The following GAB2 variants were observed in gnomAD, a reference collection of about 807,000 sequenced individuals.
GAB2 encodes the protein GRB2 associated binding protein 2.
In GAB2, 26 loss-of-function variants were observed where a neutral mutation model predicts 65.5. The ratio of observed to expected loss-of-function variants is 0.40; its 90% CI spans 0.29 to 0.55. The LOEUF (loss-of-function observed/expected upper bound fraction) is 0.55. GAB2 is among the 20% of genes least tolerant of loss of function. The probability of loss-of-function intolerance (pLI) is 0.53; values close to 1 mark genes in which losing one functional copy is unlikely to be tolerated. For synonymous variants in GAB2, 321 were observed against 329.6 expected (o/e 0.97, Z 0.28); for missense variants, 884 against 875.8 (o/e 1.01, Z -0.12).
At chr11:78,286,400 G>T (rs923682117) in intron 1 of GAB2, among the ~76,000 whole-genome samples, 9 of 151,812 alleles carry the variant, frequency 5.9e-5, no homozygotes, top group Non-Finnish European at 2.9e-5. Flanking sequence ...ACTAACCTGT[G>T]CTTACCCCAC....
intron 1 of GAB2, among the ~76,000 whole-genome samples, chr11:78,341,482 G>C (rs537985498): frequency 6.6e-6 from 1 of 152,314 alleles, no homozygotes; most frequent in South Asian, 2.1e-4. Context: ...CTTAGGTATA[G>C]TTTAAGTTCA....
chr11:78,216,824 T>G lies in GAB2; in HGVS notation c.*2448A>C, dbSNP rs943865380. 3 of 152,122 alleles carry G rather than the reference T, an allele frequency of 2.0e-5. No individual in the cohort carries two copies. The highest frequency in any genetic ancestry group is 7.2e-5 in the African/African-American group (3 of 41,396). The allele number at this position is 152,122 out of a possible 1,614,324, so 9.4% of individuals were successfully genotyped here. On this transcript the variant is annotated 3_prime_UTR_variant, in exon 10 of 10. Transcript: ENST00000361507. ...AAAAGCTCTGTCGTATGGGGCCCCT[T>G]GTAGGGGGCCTTTAAGGCACACATT...
In GAB2 at chr11:78,346,717, A is replaced by T. The variant is rs1195243792; in HGVS notation, c.76-65816T>A. On this transcript the variant is annotated intron_variant, in intron 1 of 9. Coordinates refer to ENST00000361507, the MANE Select transcript of GAB2 (RefSeq NM_080491.3). ...TATATATATATATATATATATATAT[A>T]TATAATTTTTTTTTTTTTTAGGAAA... 8.7e-3 allele frequency among the ~76,000 whole-genome samples: 349 copies of T among 40,068 alleles called. 9 individuals carry two copies. Among genetic ancestry groups the T allele is most frequent in the East Asian group, 0.02 (28 of 1,434 alleles). The allele number at this position is 40,068 out of a possible 152,430, so 26.3% of individuals were successfully genotyped here.
At chr11:78,392,241 C>CAAAAAAA (rs879279933) in intron 1 of GAB2, 1 of 125,372 alleles carries the variant, frequency 8.0e-6, no homozygotes, top group African/African-American at 2.9e-5. Flanking sequence ...CCTTCTCGAA[C>CAAAAAAA]AAAAAAAAAA....
At chr11:78,292,600 G>C (rs185645063) in intron 1 of GAB2, among the ~76,000 whole-genome samples, 3 of 152,140 alleles carry the variant, frequency 2.0e-5, no homozygotes, top group African/African-American at 7.2e-5. Flanking sequence ...ATTTCAACAC[G>C]AAGCTACTAT....
intron 1 of GAB2, among the ~76,000 whole-genome samples, chr11:78,318,704 A>G (rs1855664674): frequency 6.6e-6 from 1 of 152,152 alleles, no homozygotes; most frequent in Non-Finnish European, 1.5e-5. Context: ...TCTTATTTCT[A>G]AACGGTTTCT....
At chr11:78,323,966 T>C (rs959192311) in intron 1 of GAB2, among the ~76,000 whole-genome samples, 1 of 151,796 alleles carries the variant, frequency 6.6e-6, no homozygotes, top group Non-Finnish European at 1.5e-5. Context: ...CCTGGCTAAT[T>C]TTTGTATTTT....
At chr11:78,367,810 ATTTTCT>A (rs1565175084) in intron 1 of GAB2, among the ~76,000 whole-genome samples, 1 of 144,696 alleles carries the variant, frequency 6.9e-6, no homozygotes, top group Non-Finnish European at 1.5e-5. Context: ...TCAGTGCTTA[ATTTTCT>A]TTTTCTTTTT....
intron 1 of GAB2, among the ~76,000 whole-genome samples, chr11:78,361,616 T>C (rs1239619938): frequency 6.6e-6 from 1 of 152,172 alleles, no homozygotes; most frequent in Non-Finnish European, 1.5e-5. Flanking sequence ...TAAATGATTT[T>C]TAAACATGTG....
At chr11:78,305,114 T>A (rs1424774233) in intron 1 of GAB2, among the ~76,000 whole-genome samples, 2 of 152,154 alleles carry the variant, frequency 1.3e-5, no homozygotes, top group Non-Finnish European at 2.9e-5. Context: ...ATAAATCCCT[T>A]TTCATACTTT....
chr11:78,244,395 A>T (rs201186148), intron 3 of GAB2, among the ~76,000 whole-genome samples: 2 of 109,654 alleles, frequency 1.8e-5, no homozygotes, highest in Admixed American at 2.2e-4. Context: ...CTGTCTCAAA[A>T]GAAAGAAAAA....
At chr11:78,349,781 G>T (rs1040768990) in intron 1 of GAB2, among the ~76,000 whole-genome samples, 1 of 152,094 alleles carries the variant, frequency 6.6e-6, no homozygotes, top group Admixed American at 6.5e-5. Flanking sequence ...GAGCAGAGGA[G>T]AATCCTCTCA....
chr11:78,263,899 AT>A (rs35453397), intron 2 of GAB2, among the ~76,000 whole-genome samples: 39,492 of 142,404 alleles, frequency 0.28, 6,562 homozygotes, highest in African/African-American at 0.48. Flanking sequence ...TCTCCTGTCA[AT>A]TTTTTTTTTT....
At chr11:78,231,336 G>GTGGTGTGTGTGTGTGTGT (rs1554975133) in intron 3 of GAB2, among the ~76,000 whole-genome samples, 25 of 145,900 alleles carry the variant, frequency 1.7e-4, no homozygotes, top group African/African-American at 6.2e-4. Context: ...GCGCGTGTGT[G>GTGGTGTGTGTGTGTGTGT]GTGTGTGTGT....
At chr11:78,265,876 A>G (rs1482397883) in intron 2 of GAB2, among the ~76,000 whole-genome samples, 1 of 152,186 alleles carries the variant, frequency 6.6e-6, no homozygotes, top group African/African-American at 2.4e-5. Flanking sequence ...GAATTTTTAA[A>G]AAGAATTTTG....
intron 1 of GAB2, among the ~76,000 whole-genome samples, chr11:78,312,992 C>T (rs1855532330): frequency 6.6e-6 from 1 of 152,048 alleles, no homozygotes; most frequent in Non-Finnish European, 1.5e-5. Flanking sequence ...ACATGATATA[C>T]TGTTTCATGT....
In GAB2 at chr11:78,216,739, G is replaced by A. The variant is rs1262928464; in HGVS notation, c.*2533C>T. On this transcript the variant is annotated 3_prime_UTR_variant, in exon 10 of 10. Transcript: ENST00000361507. ...CTCAGAACATGCTCACATGTTTATGGGAGGCTGCAATAGTCTGGGCCCACT... is the reference window on the plus strand; with the variant it reads ...CTCAGAACATGCTCACATGTTTATGAGAGGCTGCAATAGTCTGGGCCCACT... The A allele has an allele frequency of 1.3e-5, 2 of 152,270 alleles. No homozygotes were observed. The highest frequency in any genetic ancestry group is 1.9e-4 in the East Asian group (1 of 5,188). The allele number at this position is 152,270 out of a possible 1,614,324, so 9.4% of individuals were successfully genotyped here.
chr11:78,389,288 T>C lies in GAB2; in HGVS notation c.75+28358A>G, dbSNP rs377489703. Among the ~76,000 whole-genome samples, 44 of 151,044 alleles carry C rather than the reference T, an allele frequency of 2.9e-4. No individual in the cohort carries two copies. The South Asian group carries it at 3.6e-3, about 12-fold the overall frequency. On this transcript the variant is annotated intron_variant, in intron 1 of 9. Transcript: ENST00000361507. ...CTTTTCTACCTTTTCTTTTAGAGAA[T>C]GACAGAAAAGCATGTGGTTTTCCTT... is the stretch of plus-strand genomic sequence containing the variant.
intron 1 of GAB2, among the ~76,000 whole-genome samples, chr11:78,352,291 C>T (rs1249635473): frequency 3.3e-5 from 5 of 152,216 alleles, no homozygotes; most frequent in Admixed American, 2.0e-4. Context: ...TTAAGGCTGA[C>T]TTGATGCCGA....
Sources: gnomAD v4.1 joint callset for allele counts (sites outside exome capture counted in the v4.1 genomes callset) on GRCh38, gnomAD v4.1.1 for gene constraint, MANE v1.5 for transcripts, NCBI Gene and HGNC (gene_info 2026-07-23, HGNC 2026-07-21) for gene names.